FKTN: variants seen among roughly 807,000 people sequenced by gnomAD.
FKTN encodes fukutin, also known as ribitol-5-phosphate transferase FKTN.
FKTN carries 47 observed loss-of-function variants against 58.6 expected under a neutral mutation model. That is an observed-to-expected ratio of 0.80 (90% CI 0.63 to 1.02). FKTN has a LOEUF of 1.02. FKTN is among the 50% of genes least tolerant of loss of function. The pLI, the probability that FKTN is intolerant of heterozygous loss-of-function variation, is 0.00. For synonymous variants in FKTN, 178 were observed against 191.9 expected (o/e 0.93, Z 0.60); for missense variants, 516 against 537.3 (o/e 0.96, Z 0.39).
chr9:105,605,905 A>G (rs1253480131), intron 6 of FKTN, among the ~76,000 whole-genome samples: 1 of 152,198 alleles, frequency 6.6e-6, no homozygotes, highest in Non-Finnish European at 1.5e-5. Flanking sequence ...GGATTGTTTA[A>G]TACAAAGGAT....
chr9:105,633,032 C>T (rs1209777038), intron 10 of FKTN, among the ~76,000 whole-genome samples: 2 of 152,308 alleles, frequency 1.3e-5, no homozygotes, highest in East Asian at 3.9e-4. Context: ...TTCCTCCCTA[C>T]AATCCTATTT....
Position 105,607,900 on chromosome 9 carries a change from A to G in FKTN, c.729A>G (p.Pro243=). 2 of 1,611,832 alleles carry G rather than the reference A, an allele frequency of 1.2e-6. No individual in the cohort carries two copies. The change falls in exon 7 of 11, where the codon CCA becomes CCG. Residue 243 remains proline (P), a synonymous_variant. Coordinates refer to ENST00000357998, the MANE Select transcript of FKTN (RefSeq NM_001079802.2). ...CAATGCACTTTGTAGAAGAAGTACCACACTCTAGGTTTATTGAGTGTAGGT... is the reference window on the plus strand; with the variant it reads ...CAATGCACTTTGTAGAAGAAGTACCGCACTCTAGGTTTATTGAGTGTAGGT... ...KDPMHFVEEV[P]HSRFIECRYK...
chr9:105,615,426 T>A lies in FKTN; in HGVS notation c.910+19T>A. Reference sequence around the variant, plus strand: ...TGTCTAGGTAAAATTCTTACGACTTTCCATTTGTCTTTCTGTCATTTTGTC... The same window carrying A: ...TGTCTAGGTAAAATTCTTACGACTTACCATTTGTCTTTCTGTCATTTTGTC... On this transcript the variant is annotated intron_variant, in intron 8 of 10. Coordinates refer to ENST00000357998, the MANE Select transcript of FKTN (RefSeq NM_001079802.2). 6.2e-7 allele frequency: 1 copy of A among 1,613,110 alleles called. No individual in the cohort carries two copies.
Position 105,626,981 on chromosome 9 carries a change from C to CTTTTTTTTT in FKTN, c.1172+6928_1172+6936dup, listed in dbSNP as rs60710867. On this transcript the variant is annotated intron_variant, in intron 10 of 10. Transcript: ENST00000357998. ...CCAATTTGTGCCTTTCTTCTTTATTCTTTTTTTTTTTTTTTTGAGACAGAG... is the reference window on the plus strand; with the variant it reads ...CCAATTTGTGCCTTTCTTCTTTATTCTTTTTTTTTTTTTTTTTTTTTTTTTGAGACAGAG... 3.1e-4 allele frequency among the ~76,000 whole-genome samples: 40 copies of CTTTTTTTTT among 128,022 alleles called. No homozygotes were observed. The South Asian group carries it at 3.5e-3, about 11-fold the overall frequency. 84.0% of individuals were successfully genotyped at this position (128,022 alleles called of 152,430 possible).
chr9:105,603,451 T>C (rs1357887449), intron 5 of FKTN, among the ~76,000 whole-genome samples: 1 of 152,232 alleles, frequency 6.6e-6, no homozygotes, highest in East Asian at 1.9e-4. Flanking sequence ...TGTTCTATTA[T>C]GGTAGTATTT....
chr9:105,579,173 T>C (rs1019629679), intron 3 of FKTN, among the ~76,000 whole-genome samples: 25 of 152,356 alleles, frequency 1.6e-4, no homozygotes, highest in Middle Eastern at 3.4e-3. Context: ...CCTGCAGTTC[T>C]GCTCTGATCT....
At chr9:105,605,630 G>A (rs1267197843) in intron 6 of FKTN, among the ~76,000 whole-genome samples, 1 of 152,080 alleles carries the variant, frequency 6.6e-6, no homozygotes, top group Non-Finnish European at 1.5e-5. Context: ...AGTGAAATAA[G>A]CCAGGCACAG....
intron 6 of FKTN, among the ~76,000 whole-genome samples, chr9:105,607,330 A>C (rs900191053): frequency 6.6e-6 from 1 of 152,088 alleles, no homozygotes. Context: ...GTAAACTGAT[A>C]ATTAAAAATT....
Position 105,635,033 on chromosome 9 carries a change from C to T in FKTN, c.1173-18C>T, listed in dbSNP as rs1344290785. 3 of 1,610,304 alleles carry T rather than the reference C, an allele frequency of 1.9e-6. No individual in the cohort carries two copies. The South Asian group carries it at 3.3e-5, about 18-fold the overall frequency. On this transcript the variant is annotated intron_variant, in intron 10 of 10. Transcript: ENST00000357998. Reference sequence around the variant, plus strand: ...CCTTCTTCCACTGTTGAAGCCTAATCCCTCTGTTTTGCTGCAGATACCTGT... The same window carrying T: ...CCTTCTTCCACTGTTGAAGCCTAATTCCTCTGTTTTGCTGCAGATACCTGT...
intron 3 of FKTN, among the ~76,000 whole-genome samples, chr9:105,581,932 A>G (rs974878921): frequency 6.6e-6 from 1 of 152,136 alleles, no homozygotes; most frequent in African/African-American, 2.4e-5. Flanking sequence ...CCGATTTTCC[A>G]GGTGTGTCCG....
At chr9:105,631,571 GA>G (rs1405859365) in intron 10 of FKTN, among the ~76,000 whole-genome samples, 6 of 151,638 alleles carry the variant, frequency 4.0e-5, no homozygotes. Flanking sequence ...AAATTTACAA[GA>G]AAAAAACAAA....
chr9:105,626,759 T>C (rs567140940), intron 10 of FKTN, among the ~76,000 whole-genome samples: 3 of 152,314 alleles, frequency 2.0e-5, no homozygotes, highest in African/African-American at 7.2e-5. Context: ...ATTGTCAGAC[T>C]TCTTAATTTG....
intron 5 of FKTN, among the ~76,000 whole-genome samples, chr9:105,603,200 C>T (rs74653306): frequency 0.019 from 2,818 of 152,172 alleles, 81 homozygotes; most frequent in African/African-American, 0.064. Flanking sequence ...AAGTTCTGGC[C>T]GGCCTTTTAA....
chr9:105,633,577 A>G (rs1833735758), intron 10 of FKTN: 1 of 152,232 alleles, frequency 6.6e-6, no homozygotes, highest in East Asian at 1.9e-4. Flanking sequence ...ATGAGTGTGC[A>G]GAGTAAAATT....
At chr9:105,606,428 A>G (rs958036047) in intron 6 of FKTN, among the ~76,000 whole-genome samples, 3 of 151,994 alleles carry the variant, frequency 2.0e-5, no homozygotes, top group African/African-American at 7.2e-5. Flanking sequence ...TTACAGGATT[A>G]AAAACATTCT....
chr9:105,568,967 G>T (rs558406854), intron 1 of FKTN, among the ~76,000 whole-genome samples: 1 of 152,240 alleles, frequency 6.6e-6, no homozygotes, highest in South Asian at 2.1e-4. Flanking sequence ...CCATAAAAAA[G>T]GATGAGTTCA....
In FKTN at chr9:105,600,895, T is replaced by C. The variant is rs547224258; in HGVS notation, c.166-250T>C. ...CTTACTGGTCTGTACTTTTATAATATGTTGTATATGTTTTTCTTGTAGCAT... is the reference window on the plus strand; with the variant it reads ...CTTACTGGTCTGTACTTTTATAATACGTTGTATATGTTTTTCTTGTAGCAT... On this transcript the variant is annotated intron_variant, in intron 4 of 10. Coordinates refer to ENST00000357998, the MANE Select transcript of FKTN (RefSeq NM_001079802.2). The C allele has an allele frequency of 1.0e-3, 374 of 372,040 alleles. 1 individual carries two copies. Among genetic ancestry groups the C allele is most frequent in the Non-Finnish European group, 1.0e-3 (211 of 201,180 alleles). 23.0% of individuals were successfully genotyped at this position (372,040 alleles called of 1,614,324 possible). A position where few individuals can be genotyped will look rare whatever the true frequency, so the allele number is the denominator to read the frequency against.
intron 4 of FKTN, chr9:105,598,269 C>A: frequency 2.7e-6 from 1 of 364,474 alleles, no homozygotes; most frequent in Non-Finnish European, 5.7e-6. Flanking sequence ...TGCAAAATCA[C>A]AGGAAAGGAG....
rs1564318575 is a variant in FKTN at position 105,615,285 on chromosome 9, T to G, written c.788T>G (p.Leu263Arg). ...KEARAFFQQY[L>R]DDNTVEAVAF... ...TATTTATTATATCTGTAGCAGTACC[T>G]TGATGATAACACTGTGGAAGCTGTG... The change falls in exon 8 of 11, where the codon CTT becomes CGT. Residue 263 changes from leucine to arginine, a missense_variant. Physicochemically the swap from Leu to Arg is moderately radical, Grantham distance 102 (BLOSUM62 -2). Transcript: ENST00000357998. 3.7e-6 allele frequency: 6 copies of G among 1,614,008 alleles called. No individual in the cohort carries two copies. The highest frequency in any genetic ancestry group is 4.2e-6 in the Non-Finnish European group (5 of 1,179,868).
Sources: allele counts gnomAD v4.1 joint callset (sites outside exome capture counted in the v4.1 genomes callset), GRCh38; gene constraint gnomAD v4.1.1; transcripts MANE v1.5; gene names NCBI Gene and HGNC (gene_info 2026-07-23, HGNC 2026-07-21).